The following RGR variants were observed in gnomAD, a reference collection of about 807,000 sequenced individuals.
The protein encoded by RGR is retinal G protein coupled receptor, also known as RPE-retinal G protein-coupled receptor.
A neutral mutation model predicts 28.6 loss-of-function variants in RGR; 30 were observed. That is an observed-to-expected ratio of 1.05 (90% CI 0.78 to 1.42). The LOEUF (loss-of-function observed/expected upper bound fraction) is 1.42. RGR is among the 40% of genes most tolerant of loss of function. The probability of loss-of-function intolerance (pLI) is 0.00; values close to 1 mark genes in which losing one functional copy is unlikely to be tolerated. For synonymous variants in RGR, 180 were observed against 156.4 expected (o/e 1.15, Z -1.13); for missense variants, 404 against 375.6 (o/e 1.08, Z -0.62).
At chr10:84,246,576 A>G (rs1842749194) in intron 1 of RGR, among the ~76,000 whole-genome samples, 2 of 152,316 alleles carry the variant, frequency 1.3e-5, no homozygotes, top group Non-Finnish European at 2.9e-5. Flanking sequence ...TCCTTTTTAC[A>G]GCTATTATTC....
chr10:84,258,440 AC>A, intron 6 of RGR, 67 bp from the exon 7 acceptor site: 1 of 1,612,732 alleles, frequency 6.2e-7, no homozygotes, highest in Non-Finnish European at 8.5e-7. Context: ...GACCGGGGTC[AC>A]CAGGTGAGAC....
intron 5 of RGR, chr10:84,255,080 A>T (rs1842866364): frequency 6.3e-6 from 1 of 157,702 alleles, no homozygotes; most frequent in South Asian, 1.8e-4. Flanking sequence ...TTAACCTCCA[A>T]TTCCCTCTGC....
intron 3 of RGR, 48 bp from the exon 4 acceptor site, chr10:84,252,809 A>C (rs1216968327): frequency 1.2e-6 from 2 of 1,611,522 alleles, no homozygotes; most frequent in South Asian, 1.1e-5. Context: ...TCACTCTATC[A>C]GGCCATCTCC....
chr10:84,254,165 T>C (rs2132885978), intron 4 of RGR, among the ~76,000 whole-genome samples, 161 bp from the exon 5 acceptor site: 1 of 152,308 alleles, frequency 6.6e-6, no homozygotes, highest in Non-Finnish European at 1.5e-5. Flanking sequence ...CCCTGGCTCC[T>C]AAAGGGAGTT....
chr10:84,258,777 T>A lies in RGR; in HGVS notation c.*138T>A. On this transcript the variant is annotated 3_prime_UTR_variant, in exon 7 of 7. Transcript: ENST00000652092. ...TCCTGGTCCTAGGCTGGACACAGGA[T>A]TCAGAAAGACACCAGGCTGCACAGA... 1 of 1,287,344 alleles carries A rather than the reference T, an allele frequency of 7.8e-7. No homozygotes were observed. Among genetic ancestry groups the A allele is most frequent in the South Asian group, 1.3e-5 (1 of 79,256 alleles). The allele number at this position is 1,287,344 out of a possible 1,614,324, so 79.7% of individuals were successfully genotyped here.
rs763456440 is a variant in RGR, at chr10:84,245,134, AGGTGCTGGCTGTGGGGAT to A, written c.51_68del (p.Ala18_Leu23del). 6.2e-7 allele frequency: 1 copy of A among 1,613,250 alleles called. No individual in the cohort carries two copies. The highest frequency in any genetic ancestry group is 8.5e-7 in the Non-Finnish European group (1 of 1,179,804). On this transcript the variant is annotated inframe_deletion, in exon 1 of 7. Transcript: ENST00000652092. The stretch of plus-strand genomic sequence containing the variant: ...CTGCCCACTGGCTTCGGGGAGCTCG[AGGTGCTGGCTGTGGGGAT>A]GGTGCTACTGGTGGAAGGTGAGCCA...
intron 5 of RGR, among the ~76,000 whole-genome samples, chr10:84,255,718 CTTT>C (rs71013305): frequency 1.4e-4 from 14 of 102,880 alleles, no homozygotes; most frequent in Non-Finnish European, 2.3e-4. Flanking sequence ...GGTTTTCTTT[CTTT>C]TTTTTTTTTT....
intron 4 of RGR, among the ~76,000 whole-genome samples, chr10:84,254,010 T>C (rs1842851589): frequency 6.6e-6 from 1 of 152,266 alleles, no homozygotes; most frequent in African/African-American, 2.4e-5. Flanking sequence ...CCTTGAATGT[T>C]CCTTTCTCTT....
At chr10:84,258,181 G>A (rs563995622) in intron 6 of RGR, among the ~76,000 whole-genome samples, 175 bp downstream of exon 6, 26 of 152,122 alleles carry the variant, frequency 1.7e-4, no homozygotes, top group Non-Finnish European at 3.1e-4. Flanking sequence ...CCCCCACCTC[G>A]TCTCTGAGTC....
At chr10:84,248,886 G>A (rs560123110) in intron 2 of RGR, 36 bp from the exon 3 acceptor site, 70 of 1,614,208 alleles carry the variant, frequency 4.3e-5, no homozygotes, top group South Asian at 1.5e-4. Context: ...GGAAAGGATC[G>A]GAGGAGAGGT....
In RGR at chr10:84,254,341, C is replaced by T. The variant is rs1842855565; in HGVS notation, c.528C>T (p.Phe176=). The T allele has an allele frequency of 6.2e-7, 1 of 1,614,178 alleles. No homozygotes were observed. The highest frequency in any genetic ancestry group is 8.5e-7 in the Non-Finnish European group (1 of 1,180,004). The part of the protein sequence containing the change: ...YSKGDRNFTS[F]LFTMSFFNFA... ...CTCCCTGTAGAAACTTCACCAGCTT[C>T]CTCTTCACCATGTCCTTCTTCAACT... is the stretch of plus-strand genomic sequence containing the variant. Residue 176 remains phenylalanine, a synonymous_variant, in exon 5 of 7, where the codon TTC becomes TTT. Coordinates refer to ENST00000652092, the MANE Select transcript of RGR (RefSeq NM_001012720.2).
In RGR at chr10:84,258,691, G is replaced by A; in HGVS notation, c.*52G>A. The A allele has an allele frequency of 1.2e-6, 2 of 1,611,748 alleles. No homozygotes were observed. The highest frequency in any genetic ancestry group is 2.7e-5 in the African/African-American group (2 of 74,968). On this transcript the variant is annotated 3_prime_UTR_variant, in exon 7 of 7. Transcript: ENST00000652092. ...GCCAGGAGGCTGTTCCAGGAGTCCT[G>A]CCCAGCAGCCTCAGTGGCCAAGCCC...
At chr10:84,256,684 C>G (rs1385411836) in intron 5 of RGR, among the ~76,000 whole-genome samples, 1 of 152,172 alleles carries the variant, frequency 6.6e-6, no homozygotes, top group Non-Finnish European at 1.5e-5. Flanking sequence ...GGCATAGGCG[C>G]CGCTTCTAGG....
At chr10:84,255,351 G>A (rs767027567) in intron 5 of RGR, 1 of 152,268 alleles carries the variant, frequency 6.6e-6, no homozygotes, top group Non-Finnish European at 1.5e-5. Flanking sequence ...CTCCCTACTG[G>A]ACACATCCGT....
At chr10:84,250,391 A>G in intron 3 of RGR, 1 of 717,336 alleles carries the variant, frequency 1.4e-6, no homozygotes, top group Non-Finnish European at 2.6e-6. Flanking sequence ...CCAGGCCAAA[A>G]TGCTGCCATC....
At chr10:84,250,273 A>G in intron 3 of RGR, 1 of 703,442 alleles carries the variant, frequency 1.4e-6, no homozygotes, top group Non-Finnish European at 2.7e-6. Flanking sequence ...AAACCATGGC[A>G]TGTCCTCTTT....
At chr10:84,247,957 A>T in intron 2 of RGR, 1 of 748,038 alleles carries the variant, frequency 1.3e-6, no homozygotes, top group Non-Finnish European at 2.2e-6. Context: ...AAACCTGATG[A>T]AAGAGATGGT....
intron 1 of RGR, among the ~76,000 whole-genome samples, chr10:84,245,373 G>A (rs1375082242): frequency 6.6e-6 from 1 of 152,198 alleles, no homozygotes; most frequent in African/African-American, 2.4e-5. Context: ...CCCGCTGGGA[G>A]CAGAGAGGAA....
chr10:84,250,223 G>A (rs1324143672), intron 3 of RGR, among the ~76,000 whole-genome samples: 1 of 152,160 alleles, frequency 6.6e-6, no homozygotes, highest in Non-Finnish European at 1.5e-5. Context: ...AATTTGTCCA[G>A]CACAGAGGCT....
Sources: allele counts gnomAD v4.1 joint callset (sites outside exome capture counted in the v4.1 genomes callset), GRCh38; gene constraint gnomAD v4.1.1; transcripts MANE v1.5; gene names NCBI Gene and HGNC (gene_info 2026-07-23, HGNC 2026-07-21).